The following NAV1 variants were observed in gnomAD, a reference collection of about 807,000 sequenced individuals.
The protein encoded by NAV1 is pore membrane and/or filament interacting like protein 3.
NAV1 carries 18 observed loss-of-function variants against 175.2 expected under a neutral mutation model. The ratio of observed to expected loss-of-function variants is 0.10; its 90% confidence interval spans 0.07 to 0.15. NAV1 has a LOEUF of 0.15. Ranked by LOEUF, NAV1 falls within the 10% of genes least tolerant of loss-of-function variation. The probability of loss-of-function intolerance (pLI) is 1.00; values close to 1 mark genes in which losing one functional copy is unlikely to be tolerated. For synonymous variants in NAV1, 897 were observed against 978.7 expected (o/e 0.92, Z 1.56); for missense variants, 1,731 against 2,436.6 (o/e 0.71, Z 6.10).
chr1:201,791,666 G>A (rs569858545), intron 13 of NAV1: 3 of 152,244 alleles, frequency 2.0e-5, no homozygotes, highest in Admixed American at 2.0e-4. Context: ...TGTCAGGCCT[G>A]GGGTCTATCC....
At chr1:201,818,644 A>G (rs1363494103) in intron 29 of NAV1, among the ~76,000 whole-genome samples, 2 of 152,222 alleles carry the variant, frequency 1.3e-5, no homozygotes, top group Non-Finnish European at 2.9e-5. Flanking sequence ...AAATTAAAAC[A>G]AGAGATACCA....
At chr1:201,748,118 G>A (rs1447954167) in intron 3 of NAV1, among the ~76,000 whole-genome samples, 5 of 152,152 alleles carry the variant, frequency 3.3e-5, no homozygotes, top group African/African-American at 1.2e-4. Flanking sequence ...TGCTCATAAT[G>A]TGTTTTGGAA....
At chr1:201,669,784 G>T (rs1034058327) in intron 1 of NAV1, among the ~76,000 whole-genome samples, 1 of 152,082 alleles carries the variant, frequency 6.6e-6, no homozygotes, top group African/African-American at 2.4e-5. Context: ...ACAGATTCCT[G>T]CAGGCTCCAG....
intron 1 of NAV1, among the ~76,000 whole-genome samples, chr1:201,575,534 G>C (rs1172112312): frequency 1.3e-5 from 2 of 152,202 alleles, no homozygotes; most frequent in Non-Finnish European, 2.9e-5. Context: ...CATCAGGGAG[G>C]CGTGTCCAAT....
chr1:201,794,914 A>AC (rs575152517), intron 15 of NAV1: 3,058 of 226,292 alleles, frequency 0.014, 97 homozygotes, highest in African/African-American at 0.066. Context: ...ACACACACAC[A>AC]AACAATCTTA....
chr1:201,732,808 C>T (rs996427866), intron 3 of NAV1, among the ~76,000 whole-genome samples: 2 of 152,024 alleles, frequency 1.3e-5, no homozygotes, highest in African/African-American at 2.4e-5. Context: ...TGGTGGGTCA[C>T]GCCTGTAATC....
At chr1:201,754,553 TG>T (rs1162405256) in intron 3 of NAV1, among the ~76,000 whole-genome samples, 1 of 151,902 alleles carries the variant, frequency 6.6e-6, no homozygotes, top group African/African-American at 2.4e-5. Context: ...TTCCAATGAG[TG>T]GGGGAGTAAA....
intron 1 of NAV1, among the ~76,000 whole-genome samples, chr1:201,649,809 G>T (rs561577348): frequency 2.6e-5 from 4 of 152,334 alleles, no homozygotes; most frequent in African/African-American, 9.6e-5. Flanking sequence ...GGAGCATCCC[G>T]CATTGCAAGG....
At chr1:201,711,519 C>A (rs1009586092) in intron 1 of NAV1, among the ~76,000 whole-genome samples, 7 of 152,204 alleles carry the variant, frequency 4.6e-5, no homozygotes, top group African/African-American at 1.7e-4. Context: ...ACCTTACACT[C>A]CTGCTGAGTC....
rs377681945 is a variant in NAV1 at position 201,810,005 on chromosome 1, T to C, written c.4461T>C (p.His1487=). Residue 1487 remains histidine (H), a synonymous_variant, in exon 23 of 30, where the codon CAT becomes CAC. Coordinates refer to ENST00000367296, the Ensembl canonical transcript of NAV1. This position sits in a 1 kb window ranked among gnomAD's most constrained non-coding sequence, Gnocchi z 6.0. The stretch of plus-strand genomic sequence containing the variant: ...TGGGACTAAGCACTGAGTCCATCCA[T>C]GGCTACAGCATCAGCCACGTGAAAC... 2.5e-6 allele frequency: 4 copies of C among 1,614,046 alleles called. No homozygotes were observed. In the African/African-American group the frequency reaches 4.0e-5, roughly 16 times the overall value.
chr1:201,826,274 G>C (rs1026123627), exon 30 of NAV1: 1 of 152,212 alleles, frequency 6.6e-6, no homozygotes, highest in Admixed American at 6.5e-5. Context: ...GCCATCTCCT[G>C]TGGGGTCTTA....
rs192155951 is a variant in NAV1, at chr1:201,556,695, G to A, written c.-144+17353G>A. On this transcript the variant is annotated intron_variant, in intron 1 of 33. Coordinates refer to the NAV1 transcript ENST00000685211. The stretch of plus-strand genomic sequence containing the variant: ...TAGCCCCAACCTTAGTCCAACCTGG[G>A]CCAGCAGCAGAGGTCTAAGGACCAG... Among the ~76,000 whole-genome samples, 4 of 152,282 alleles carry A rather than the reference G, an allele frequency of 2.6e-5. No homozygotes were observed. The East Asian group carries it at 7.7e-4, about 29-fold the overall frequency.
intron 1 of NAV1, among the ~76,000 whole-genome samples, chr1:201,627,009 T>C (rs745583751): frequency 1.2e-4 from 19 of 152,254 alleles, no homozygotes; most frequent in Non-Finnish European, 2.2e-4. Flanking sequence ...TTCTGGCCCA[T>C]ATGACTGATG....
exon 1 of NAV1, chr1:201,623,517 C>T (rs1443585157): frequency 1.0e-6 from 1 of 986,062 alleles, no homozygotes; most frequent in Non-Finnish European, 1.2e-6. Context: ...AGGGCAAGCG[C>T]CCCTCTCCCT....
chr1:201,709,609 C>A (rs1671812980), intron 1 of NAV1, among the ~76,000 whole-genome samples: 1 of 152,150 alleles, frequency 6.6e-6, no homozygotes. Flanking sequence ...CCAGACCCAC[C>A]CTGGGCTGAG....
intron 2 of NAV1, among the ~76,000 whole-genome samples, chr1:201,609,759 A>G (rs1667794146): frequency 6.6e-6 from 1 of 151,956 alleles, no homozygotes; most frequent in Non-Finnish European, 1.5e-5. Flanking sequence ...GCTCCTCCCT[A>G]TTCAGCAGCT....
upstream of NAV1, chr1:201,622,813 G>T: frequency 2.0e-6 from 2 of 985,014 alleles, no homozygotes; most frequent in Non-Finnish European, 2.4e-6. Context: ...AGCTTGTGGG[G>T]ATGTGCCTGA....
chr1:201,672,466 A>T (rs1249663298), intron 1 of NAV1, among the ~76,000 whole-genome samples: 1 of 152,162 alleles, frequency 6.6e-6, no homozygotes, highest in Non-Finnish European at 1.5e-5. Context: ...TGGATAATAG[A>T]GCAATTTCTT....
chr1:201,710,439 A>T (rs1571899716), intron 1 of NAV1, among the ~76,000 whole-genome samples: 1 of 152,140 alleles, frequency 6.6e-6, no homozygotes, highest in South Asian at 2.1e-4. Flanking sequence ...GGCTTGAGCC[A>T]CCTGGCCAAT....
Sources: allele counts gnomAD v4.1 joint callset (sites outside exome capture counted in the v4.1 genomes callset), GRCh38; gene constraint gnomAD v4.1.1; non-coding constraint Gnocchi (gnomAD v3.1); transcripts MANE v1.5; gene names NCBI Gene and HGNC (gene_info 2026-07-23, HGNC 2026-07-21).